The following UGT2A3 variants were observed in gnomAD, a reference collection of about 807,000 sequenced individuals.
UGT2A3 encodes the protein UDP glucuronosyltransferase family 2 member A3.
A neutral mutation model predicts 44.1 loss-of-function variants in UGT2A3; 55 were observed. That is an observed-to-expected ratio of 1.25 (90% CI 1.00 to 1.56). The LOEUF (loss-of-function observed/expected upper bound fraction) is 1.56, where lower values mean the gene tolerates loss of function less well. Ranked by LOEUF, UGT2A3 falls within the 40% of genes most tolerant of loss-of-function variation. The pLI is 0.00. For synonymous variants in UGT2A3, 243 were observed against 215.1 expected (o/e 1.13, Z -1.13); for missense variants, 733 against 621.6 (o/e 1.18, Z -1.91).
rs756294310 is a variant in UGT2A3 at position 68,930,683 on chromosome 4, C to T, written c.1167G>A (p.Val389=). The T allele has an allele frequency of 1.2e-6, 2 of 1,613,332 alleles. No homozygotes were observed. Among genetic ancestry groups the T allele is most frequent in the Non-Finnish European group, 1.7e-6 (2 of 1,179,532 alleles). ...GCTGATCACCAAATATGGGAACTCC[C>T]ACCATAGGGACCCCATGGTAAATAG... ...YEAIYHGVPM[V]GVPIFGDQLD... Residue 389 remains valine, a synonymous_variant, in exon 5 of 6, where the codon GTG becomes GTA. Transcript: ENST00000251566.
chr4:68,941,391 A>G (rs904951414), intron 2 of UGT2A3, among the ~76,000 whole-genome samples: 1 of 151,944 alleles, frequency 6.6e-6, no homozygotes, highest in South Asian at 2.1e-4. Flanking sequence ...TAATAGAAAA[A>G]AGGCAACCTC....
In UGT2A3 at chr4:68,930,590, G is replaced by A. The variant is rs767210111; in HGVS notation, c.1260C>T (p.Ser420=). Reference sequence around the variant, plus strand: ...TTCTCAAAGCCCTCAGTAAATCTTCGCTTGTCATAGTTTTGAAGTTTATTT... The same window carrying A: ...TTCTCAAAGCCCTCAGTAAATCTTCACTTGTCATAGTTTTGAAGTTTATTT... ...AVEINFKTMT[S]EDLLRALRTV... The change falls in exon 5 of 6, where the codon AGC becomes AGT. Residue 420 remains serine, a synonymous_variant. Transcript: ENST00000251566. 7.4e-6 allele frequency: 12 copies of A among 1,613,136 alleles called. No homozygotes were observed. The highest frequency in any genetic ancestry group is 2.2e-5 in the East Asian group (1 of 44,790).
intron 1 of UGT2A3, 75 bp from the exon 2 acceptor site, chr4:68,945,529 C>G: frequency 7.5e-7 from 1 of 1,332,958 alleles, no homozygotes; most frequent in Non-Finnish European, 1.0e-6. Flanking sequence ...TTTCAGTAAG[C>G]TATTAAGAAA....
intron 1 of UGT2A3, among the ~76,000 whole-genome samples, chr4:68,948,439 C>CTTTTTT (rs60082800): frequency 5.4e-5 from 6 of 110,148 alleles, no homozygotes; most frequent in South Asian, 2.8e-4. Flanking sequence ...TCTTTTTTTT[C>CTTTTTT]TTTTTTTTTT....
intron 2 of UGT2A3, among the ~76,000 whole-genome samples, chr4:68,942,606 G>T (rs1056798288): frequency 2.7e-5 from 4 of 148,678 alleles, no homozygotes; most frequent in African/African-American, 7.4e-5. Context: ...ATGAAATCCT[G>T]TCATTTGTAG....
chr4:68,934,284 C>A (rs1033410857), intron 2 of UGT2A3, among the ~76,000 whole-genome samples: 1 of 151,766 alleles, frequency 6.6e-6, no homozygotes, highest in Admixed American at 6.6e-5. Context: ...AAGTCTACAA[C>A]AACGAACACA....
chr4:68,939,362 T>C (rs1718093289), intron 2 of UGT2A3, among the ~76,000 whole-genome samples: 1 of 152,048 alleles, frequency 6.6e-6, no homozygotes. Context: ...TACAGACCAA[T>C]GGAACAGAAC....
intron 2 of UGT2A3, among the ~76,000 whole-genome samples, chr4:68,935,793 G>T (rs189273073): frequency 6.6e-6 from 1 of 152,108 alleles, no homozygotes; most frequent in Admixed American, 6.6e-5. Context: ...CTAACCCATC[G>T]CAAGGAAGAC....
In UGT2A3 at chr4:68,929,107, A is replaced by G. The variant is rs183335300; in HGVS notation, c.*706T>C. 3.9e-5 allele frequency: 6 copies of G among 152,196 alleles called. No individual in the cohort carries two copies. In the East Asian group the frequency reaches 1.2e-3, roughly 29 times the overall value. The allele number at this position is 152,196 out of a possible 1,614,324, so 9.4% of individuals were successfully genotyped here. On this transcript the variant is annotated 3_prime_UTR_variant, in exon 6 of 6. Coordinates refer to ENST00000251566, the MANE Select transcript of UGT2A3 (RefSeq NM_024743.4). Reference sequence around the variant, plus strand: ...TCTGTTCACCTTGAATATCTTACTGACATGTTCTCTATGTGAGAAAAAAAA... The same window carrying G: ...TCTGTTCACCTTGAATATCTTACTGGCATGTTCTCTATGTGAGAAAAAAAA...
At chr4:68,947,980 T>A (rs759318215) in intron 1 of UGT2A3, among the ~76,000 whole-genome samples, 7 of 151,834 alleles carry the variant, frequency 4.6e-5, no homozygotes. Context: ...TCTATAATTA[T>A]TACAAAAAGT....
chr4:68,930,175 T>G, intron 5 of UGT2A3, 83 bp from the exon 6 acceptor site: 2 of 1,402,504 alleles, frequency 1.4e-6, no homozygotes, highest in East Asian at 4.6e-5. Flanking sequence ...GTAGTATATG[T>G]TATGCAAGCC....
chr4:68,939,226 AG>A (rs1368734814), intron 2 of UGT2A3, among the ~76,000 whole-genome samples: 1 of 152,194 alleles, frequency 6.6e-6, no homozygotes, highest in East Asian at 1.9e-4. Context: ...AGCAAAAATG[AG>A]CCTGCATTGC....
chr4:68,941,682 AC>A (rs1220314152), intron 2 of UGT2A3, among the ~76,000 whole-genome samples: 13 of 151,930 alleles, frequency 8.6e-5, no homozygotes, highest in Admixed American at 3.3e-4. Flanking sequence ...AATGAAGCAA[AC>A]AACAGGGTGA....
chr4:68,933,938 C>G (rs1356239282), intron 2 of UGT2A3, among the ~76,000 whole-genome samples: 2 of 151,936 alleles, frequency 1.3e-5, no homozygotes, highest in East Asian at 3.9e-4. Context: ...AGTGATTCAG[C>G]TCTGATATTA....
intron 2 of UGT2A3, 89 bp downstream of exon 2, chr4:68,945,217 T>A (rs772759110): frequency 6.7e-7 from 1 of 1,486,734 alleles, no homozygotes; most frequent in Non-Finnish European, 9.3e-7. Context: ...ACATTCAACA[T>A]CATCCTTCTA....
At chr4:68,947,890 C>T (rs973009154) in intron 1 of UGT2A3, among the ~76,000 whole-genome samples, 5 of 151,752 alleles carry the variant, frequency 3.3e-5, no homozygotes, top group Non-Finnish European at 7.4e-5. Flanking sequence ...ATGTCATATA[C>T]CAATGTGATA....
intron 2 of UGT2A3, 95 bp downstream of exon 2, chr4:68,945,211 T>C (rs1487855363): frequency 1.4e-6 from 2 of 1,453,234 alleles, no homozygotes; most frequent in African/African-American, 2.8e-5. Context: ...CAGAAGACAT[T>C]CAACATCATC....
At position 68,951,400 on chromosome 4, in the gene UGT2A3, A is replaced by G. The variant is rs1482541957; in HGVS notation, c.361T>C (p.Leu121=). 1 of 1,612,060 alleles carries G rather than the reference A, an allele frequency of 6.2e-7. No individual in the cohort carries two copies. The highest frequency in any genetic ancestry group is 1.7e-5 in the Admixed American group (1 of 59,670). The stretch of plus-strand genomic sequence containing the variant: ...ATAAAGCTCTCACACATCATTTTTA[A>G]AGTTCCTCTTATTTCAACAAAAAAA... ...NDFFVEIRGT[L]KMMCESFIYN... Residue 121 remains leucine, a synonymous_variant, in exon 1 of 6, where the codon TTA becomes CTA. Coordinates refer to ENST00000251566, the MANE Select transcript of UGT2A3 (RefSeq NM_024743.4).
chr4:68,951,783 G>A lies in UGT2A3; in HGVS notation c.-23C>T, dbSNP rs1285748660. ...CATGATGGCAGTTCCCTCACACACT[G>A]ATCTGCAATGGTTTTGTAGTTACTA... On this transcript the variant is annotated 5_prime_UTR_variant, in exon 1 of 6. Coordinates refer to ENST00000251566, the MANE Select transcript of UGT2A3 (RefSeq NM_024743.4). 1.3e-6 allele frequency: 2 copies of A among 1,518,048 alleles called. No individual in the cohort carries two copies. The highest frequency in any genetic ancestry group is 2.8e-5 in the African/African-American group (2 of 71,860). 94.0% of individuals were successfully genotyped at this position (1,518,048 alleles called of 1,614,324 possible). A position where few individuals can be genotyped will look rare whatever the true frequency, so the allele number is the denominator to read the frequency against.
Sources: allele counts gnomAD v4.1 joint callset (sites outside exome capture counted in the v4.1 genomes callset), GRCh38; gene constraint gnomAD v4.1.1; transcripts MANE v1.5; gene names NCBI Gene and HGNC (gene_info 2026-07-23, HGNC 2026-07-21).